The following LPCAT1 variants were observed in gnomAD, a reference collection of about 807,000 sequenced individuals.
LPCAT1 encodes the protein 1-acylglycerol-3-phosphate O-acyltransferase.
LPCAT1 carries 23 observed loss-of-function variants against 60.9 expected under a neutral mutation model. The ratio of observed to expected loss-of-function variants is 0.38; its 90% CI spans 0.27 to 0.53. The LOEUF (loss-of-function observed/expected upper bound fraction) is 0.53. LPCAT1 is among the 20% of genes least tolerant of loss of function. The probability of loss-of-function intolerance (pLI) is 0.82; values close to 1 mark genes in which losing one functional copy is unlikely to be tolerated. For missense variants in LPCAT1, 622 were observed against 723.6 expected, an observed-to-expected ratio of 0.86 and a Z score of 1.61; for synonymous variants, 340 against 301.1, an observed-to-expected ratio of 1.13 and a Z score of -1.34.
chr5:1,494,710 C>T lies in LPCAT1; in HGVS notation c.483G>A (p.Pro161=), dbSNP rs771394007. ...IVMKAESRDI[P]IWGTLIQYIR... Reference sequence around the variant, plus strand: ...GGGTGTCTCACTCACTTCCCCAGATCGGGATGTCTCTGCTCTCTGCCTTCA... The same window carrying T: ...GGGTGTCTCACTCACTTCCCCAGATTGGGATGTCTCTGCTCTCTGCCTTCA... Residue 161 remains proline, a synonymous_variant, in exon 3 of 14, where the codon CCG becomes CCA. Transcript: ENST00000283415. 60 of 1,613,992 alleles carry T rather than the reference C, an allele frequency of 3.7e-5. No homozygotes were observed. Among genetic ancestry groups the T allele is most frequent in the African/African-American group, 5.3e-5 (4 of 74,930 alleles).
At chr5:1,505,679 C>T (rs1041233435) in intron 1 of LPCAT1, among the ~76,000 whole-genome samples, 34 of 152,204 alleles carry the variant, frequency 2.2e-4, no homozygotes, top group African/African-American at 8.0e-4. Flanking sequence ...CCTGCTCCTG[C>T]GCACATAGGG....
chr5:1,480,420 C>T lies in LPCAT1; in HGVS notation c.761+522G>A, dbSNP rs910188093. On this transcript the variant is annotated intron_variant, in intron 7 of 13. Coordinates refer to ENST00000283415, the MANE Select transcript of LPCAT1 (RefSeq NM_024830.5). This position sits in a 1 kb window ranked among gnomAD's most constrained non-coding sequence, Gnocchi z 6.4. ...CCGACGTCAGCTCAGACGTCAGCAC[C>T]CAGGAGGCCCTGACCAGCCTGTGGC... The T allele has an allele frequency of 1.0e-6, 1 of 974,574 alleles. No homozygotes were observed. The highest frequency in any genetic ancestry group is 1.8e-5 in the African/African-American group (1 of 56,992). The allele number at this position is 974,574 out of a possible 1,614,324, so 60.4% of individuals were successfully genotyped here.
chr5:1,474,416 G>T, intron 10 of LPCAT1, 144 bp downstream of exon 10: 1 of 1,190,514 alleles, frequency 8.4e-7, no homozygotes, highest in Non-Finnish European at 1.2e-6. Context: ...GACACTATGT[G>T]GGCTTAAGTT....
In LPCAT1 at chr5:1,523,934, C is replaced by T; in HGVS notation, c.-90G>A. On this transcript the variant is annotated 5_prime_UTR_variant, in exon 1 of 14. Transcript: ENST00000283415. The surrounding 1 kb of genome is among the most constrained non-coding windows in gnomAD (Gnocchi z 7.1). ...CTGGGCGCGGGTCTCGGGGCGCGGG[C>T]CGAGGATGCGCGGCGGCTGGAGCGG... The T allele has an allele frequency of 1.1e-6, 1 of 902,362 alleles. No individual in the cohort carries two copies. Among genetic ancestry groups the T allele is most frequent in the Non-Finnish European group, 1.3e-6 (1 of 752,576 alleles). 55.9% of individuals were successfully genotyped at this position (902,362 alleles called of 1,614,324 possible).
intron 1 of LPCAT1, among the ~76,000 whole-genome samples, chr5:1,512,365 C>A (rs987651153): frequency 1.3e-5 from 2 of 152,184 alleles, no homozygotes; most frequent in African/African-American, 4.8e-5. Flanking sequence ...GGTCACAAGG[C>A]CCCGGCCCAA....
At chr5:1,485,309 T>C (rs1200253615) in intron 5 of LPCAT1, among the ~76,000 whole-genome samples, 1 of 151,994 alleles carries the variant, frequency 6.6e-6, no homozygotes, top group Non-Finnish European at 1.5e-5. Flanking sequence ...GTCTCTGGCC[T>C]CCCTAGTCTC....
rs944718278 is a variant in LPCAT1 at position 1,487,427 on chromosome 5, A to G, written c.667+964T>C. On this transcript the variant is annotated intron_variant, in intron 5 of 13. Coordinates refer to ENST00000283415, the MANE Select transcript of LPCAT1 (RefSeq NM_024830.5). This position sits in a 1 kb window ranked among gnomAD's most constrained non-coding sequence, Gnocchi z 6.1. Reference sequence around the variant, plus strand: ...TGAGCTGCACCTTGAAGCCTCTGGAAGCAAAACCTGCCATCTGCCTGCTGC... The same window carrying G: ...TGAGCTGCACCTTGAAGCCTCTGGAGGCAAAACCTGCCATCTGCCTGCTGC... Among the ~76,000 whole-genome samples the G allele has an allele frequency of 2.6e-5, 4 of 152,210 alleles. No individual in the cohort carries two copies. Among genetic ancestry groups the G allele is most frequent in the African/African-American group, 9.7e-5 (4 of 41,446 alleles).
intron 1 of LPCAT1, among the ~76,000 whole-genome samples, chr5:1,507,349 G>T (rs1174533194): frequency 6.6e-6 from 1 of 152,228 alleles, no homozygotes; most frequent in Non-Finnish European, 1.5e-5. Context: ...CATAAGTGAG[G>T]GTTTATAGCA....
rs116419097 is a variant in LPCAT1 at position 1,480,353 on chromosome 5, T to C, written c.761+589A>G. On this transcript the variant is annotated intron_variant, in intron 7 of 13. Transcript: ENST00000283415. This position sits in a 1 kb window ranked among gnomAD's most constrained non-coding sequence, Gnocchi z 6.4. ...CCCACATCCTCCCAAACGCCTGGAA[T>C]GGAGCTGCTCTCTCTTGGACTTTCC... is the stretch of plus-strand genomic sequence containing the variant. The C allele has an allele frequency of 2.0e-3, 1,938 of 985,228 alleles. 44 individuals carry two copies. The African/African-American group carries it at 0.031, about 16-fold the overall frequency. The allele number at this position is 985,228 out of a possible 1,614,324, so 61.0% of individuals were successfully genotyped here. A position where few individuals can be genotyped will look rare whatever the true frequency, so the allele number is the denominator to read the frequency against.
At chr5:1,515,412 C>T (rs994443243) in intron 1 of LPCAT1, among the ~76,000 whole-genome samples, 1 of 151,038 alleles carries the variant, frequency 6.6e-6, no homozygotes, top group Non-Finnish European at 1.5e-5. Context: ...CTGCCCTGTA[C>T]ACCCTGCGCC....
rs183544330 is a variant in LPCAT1, at chr5:1,481,993, G to A, written c.727-1017C>T. The stretch of plus-strand genomic sequence containing the variant: ...TCTGCCCCACTATGTCCTGACCCAC[G>A]GGGGTTTTCTTTCAGTGCTTTCCTT... On this transcript the variant is annotated intron_variant, in intron 6 of 13. Transcript: ENST00000283415. This position sits in a 1 kb window ranked among gnomAD's most constrained non-coding sequence, Gnocchi z 7.8. Among the ~76,000 whole-genome samples the A allele has an allele frequency of 6.6e-6, 1 of 152,344 alleles. No homozygotes were observed. Among genetic ancestry groups the A allele is most frequent in the East Asian group, 1.9e-4 (1 of 5,174 alleles).
chr5:1,518,758 C>A (rs1736584731), intron 1 of LPCAT1, among the ~76,000 whole-genome samples: 2 of 152,246 alleles, frequency 1.3e-5, no homozygotes, highest in Admixed American at 6.5e-5. Context: ...AAGGAGCAGT[C>A]CTGAGTGCCA....
intron 4 of LPCAT1, among the ~76,000 whole-genome samples, chr5:1,488,886 A>G (rs1268877584): frequency 6.6e-6 from 1 of 152,246 alleles, no homozygotes; most frequent in African/African-American, 2.4e-5. Context: ...GAGCCGAAGG[A>G]GGGCTGGGAC....
rs1027972464 is a variant in LPCAT1 at position 1,521,014 on chromosome 5, G to C, written c.135+2696C>G. The stretch of plus-strand genomic sequence containing the variant: ...AGAAACCACTTCATGACTCCAAAAC[G>C]ATATATGAATGTGTGACTATGAAGA... On this transcript the variant is annotated intron_variant, in intron 1 of 13. Transcript: ENST00000283415. This position sits in a 1 kb window ranked among gnomAD's most constrained non-coding sequence, Gnocchi z 4.3. 6.6e-6 allele frequency among the ~76,000 whole-genome samples: 1 copy of C among 151,790 alleles called. No homozygotes were observed. Among genetic ancestry groups the C allele is most frequent in the Non-Finnish European group, 1.5e-5 (1 of 67,992 alleles).
At chr5:1,468,093 G>A (rs1734509926) in intron 12 of LPCAT1, among the ~76,000 whole-genome samples, 1 of 152,114 alleles carries the variant, frequency 6.6e-6, no homozygotes, top group African/African-American at 2.4e-5. Context: ...AAGAAACGCT[G>A]ACGCCTCCAG....
At position 1,470,881 on chromosome 5, in the gene LPCAT1, A is replaced by T; in HGVS notation, c.1223T>A (p.Leu408Gln). 1.2e-6 allele frequency: 2 copies of T among 1,613,544 alleles called. No individual in the cohort carries two copies. The highest frequency in any genetic ancestry group is 1.7e-6 in the Non-Finnish European group (2 of 1,180,000). Residue 408 changes from leucine (L) to glutamine (Q), a missense_variant, in exon 12 of 14, where the codon CTG becomes CAG. By Grantham distance (113) the Leu-to-Gln change is moderately radical. Coordinates refer to ENST00000283415, the MANE Select transcript of LPCAT1 (RefSeq NM_024830.5). Reference protein sequence around the residue: ...EVDLRECVVALSVVCRPARTL... With the variant: ...EVDLRECVVAQSVVCRPARTL... ...CCGGGCCGGCCGGCAGACGACAGACAGGGCAACCACACACTCTCGCAGGTC... is the reference window on the plus strand; with the variant it reads ...CCGGGCCGGCCGGCAGACGACAGACTGGGCAACCACACACTCTCGCAGGTC...
chr5:1,475,012 CAT>C lies in LPCAT1; in HGVS notation c.900-329_900-328del, dbSNP rs528213972. Among the ~76,000 whole-genome samples the C allele has an allele frequency of 1.5e-3, 226 of 152,344 alleles. 2 individuals carry two copies. The highest frequency in any genetic ancestry group is 5.4e-3 in the African/African-American group (223 of 41,584). ...GAGCTCATGGTGCGAGAATTACCAA[CAT>C]GTGACCCAGAGACGCCAAAGTGAGC... is the stretch of plus-strand genomic sequence containing the variant. On this transcript the variant is annotated intron_variant, in intron 9 of 13. Coordinates refer to ENST00000283415, the MANE Select transcript of LPCAT1 (RefSeq NM_024830.5).
intron 1 of LPCAT1, among the ~76,000 whole-genome samples, chr5:1,518,776 T>C (rs1030939725): frequency 3.3e-5 from 5 of 152,186 alleles, no homozygotes; most frequent in South Asian, 2.1e-4. Context: ...CCAATGACGA[T>C]AGGGGGCCGG....
rs920712923 is a variant in LPCAT1, at chr5:1,495,096, C to T, written c.279-182G>A. Among the ~76,000 whole-genome samples, 4 of 152,192 alleles carry T rather than the reference C, an allele frequency of 2.6e-5. No homozygotes were observed. The highest frequency in any genetic ancestry group is 7.2e-5 in the African/African-American group (3 of 41,448). On this transcript the variant is annotated intron_variant, in intron 2 of 13. Coordinates refer to ENST00000283415, the MANE Select transcript of LPCAT1 (RefSeq NM_024830.5). This position sits in a 1 kb window ranked among gnomAD's most constrained non-coding sequence, Gnocchi z 4.7. ...AAAGACGCCGCGCCTTCCTGGCCTC[C>T]GCCTGTGTCCTCGCTGGCTGCGCTC...
Sources: gnomAD v4.1 joint callset for allele counts (sites outside exome capture counted in the v4.1 genomes callset) on GRCh38, gnomAD v4.1.1 for gene constraint, Gnocchi (gnomAD v3.1) non-coding constraint, MANE v1.5 for transcripts, NCBI Gene and HGNC (gene_info 2026-07-23, HGNC 2026-07-21) for gene names.